The following FAM9A variants were observed in gnomAD, a reference collection of about 807,000 sequenced individuals.
FAM9A encodes the protein protein FAM9A.
A neutral mutation model predicts 25.0 loss-of-function variants in FAM9A; 49 were observed. The observed-to-expected ratio is 1.96, with a 90% CI of 1.56 to 2.48. The LOEUF is 2.48. FAM9A is among the 30% of genes most tolerant of loss of function. The pLI is 0.00. For missense variants in FAM9A, 266 were observed against 249.3 expected (o/e 1.07, Z -0.45); for synonymous variants, 80 against 85.1 (o/e 0.94, Z 0.33).
intron 1 of FAM9A, 100 bp downstream of exon 1, chrX:8,801,211 T>C: frequency 8.9e-6 from 1 of 111,870 alleles, no homozygotes; most frequent in Non-Finnish European, 1.9e-5. Flanking sequence ...CATGCTCGAC[T>C]TCCTGCCTCC....
At chrX:8,799,664 C>A in intron 2 of FAM9A, among the ~76,000 whole-genome samples, 1 of 61,514 alleles carries the variant, frequency 1.6e-5, no homozygotes. Flanking sequence ...CTCCCCTGCC[C>A]CCATCCCTGG....
intron 5 of FAM9A, among the ~76,000 whole-genome samples, chrX:8,796,967 C>A (rs758151446): frequency 8.9e-6 from 1 of 112,078 alleles, no homozygotes; most frequent in Non-Finnish European, 1.9e-5. Context: ...TTTCTTGGAG[C>A]TTTTTATATG....
chrX:8,799,436 T>C (rs1933574431), intron 2 of FAM9A, among the ~76,000 whole-genome samples: 1 of 110,263 alleles, frequency 9.1e-6, no homozygotes, highest in Non-Finnish European at 1.9e-5. Flanking sequence ...TCCCCAGCCA[T>C]CTCTGGGAGA....
chrX:8,797,043 T>C (rs1933542156), intron 5 of FAM9A, among the ~76,000 whole-genome samples: 1 of 112,494 alleles, frequency 8.9e-6, no homozygotes, highest in African/African-American at 3.2e-5. Context: ...TTCCTAAACA[T>C]GGTTTCACAT....
Position 8,791,382 on chromosome X carries a change from A to G in FAM9A, c.931-3T>C, listed in dbSNP as rs1253655317. 8.4e-7 allele frequency: 1 copy of G among 1,195,350 alleles called. No homozygotes were observed. Among genetic ancestry groups the G allele is most frequent in the Non-Finnish European group, 1.1e-6 (1 of 885,505 alleles). The stretch of plus-strand genomic sequence containing the variant: ...TTGTCTTTAGTGTCCTTGGCAGCCT[A>G]AAAGAAAAAGTCTAGTTCACTGACA... On this transcript the variant is annotated splice_polypyrimidine_tract_variant and splice_region_variant and intron_variant, in intron 8 of 9. Coordinates refer to ENST00000381003, the MANE Select transcript of FAM9A (RefSeq NM_174951.3).
chrX:8,795,922 A>G (rs927146322), intron 6 of FAM9A, among the ~76,000 whole-genome samples: 1 of 112,086 alleles, frequency 8.9e-6, no homozygotes, highest in African/African-American at 3.2e-5. Context: ...CCCTTTCCAC[A>G]TAACTTAATA....
Position 8,798,315 on chromosome X carries a change from T to C in FAM9A, c.341+44A>G, listed in dbSNP as rs1048602374. The C allele has an allele frequency of 3.3e-6, 4 of 1,205,695 alleles. No homozygotes were observed. The African/African-American group carries it at 7.0e-5, about 21-fold the overall frequency. ...GACATGAACCAAAGCTGACTTTTCCTAAAAGACCCTATCCGACAGGCAAAA... is the reference window on the plus strand; with the variant it reads ...GACATGAACCAAAGCTGACTTTTCCCAAAAGACCCTATCCGACAGGCAAAA... On this transcript the variant is annotated intron_variant, in intron 4 of 9. Transcript: ENST00000381003.
intron 8 of FAM9A, among the ~76,000 whole-genome samples, chrX:8,792,610 C>A (rs1270399027): frequency 9.0e-6 from 1 of 111,647 alleles, no homozygotes; most frequent in African/African-American, 3.3e-5. Context: ...CATGTTCATA[C>A]CAATTAATAA....
rs149322233 is a variant in FAM9A at position 8,793,680 on chromosome X, G to A, written c.908C>T (p.Pro303Leu). 150 of 1,208,369 alleles carry A rather than the reference G, an allele frequency of 1.2e-4. No homozygotes were observed. In the East Asian group the frequency reaches 2.9e-3, roughly 24 times the overall value. ...GACCTTTAGTAATTGCTCAAGTAGCGGCTTCATCTCTCTCAGCCTCCAGCT... is the reference window on the plus strand; with the variant it reads ...GACCTTTAGTAATTGCTCAAGTAGCAGCTTCATCTCTCTCAGCCTCCAGCT... The part of the protein sequence containing the change: ...VRSWRLREMK[P>L]LLEQLLKAAK... Residue 303 changes from proline to leucine, a missense_variant, in exon 8 of 10, where the codon CCG becomes CTG. Transcript: ENST00000381003.
In FAM9A at chrX:8,791,291, G is replaced by T. The variant is rs61732570; in HGVS notation, c.*20C>A. 9 of 1,184,021 alleles carry T rather than the reference G, an allele frequency of 7.6e-6. No homozygotes were observed. In the South Asian group the frequency reaches 1.3e-4, roughly 17 times the overall value. On this transcript the variant is annotated 3_prime_UTR_variant, in exon 9 of 10. Transcript: ENST00000381003. Reference sequence around the variant, plus strand: ...TATGCACTACTTACAGTTCTGACACGATTCTTTTTAAAAACACGGCTAGTT... The same window carrying T: ...TATGCACTACTTACAGTTCTGACACTATTCTTTTTAAAAACACGGCTAGTT...
chrX:8,801,020 G>A (rs1220358814), intron 1 of FAM9A, among the ~76,000 whole-genome samples: 1 of 93,354 alleles, frequency 1.1e-5, no homozygotes, highest in East Asian at 3.4e-4. Context: ...CACCCTCAGG[G>A]CCTCGCCCTG....
intron 3 of FAM9A, 61 bp downstream of exon 3, chrX:8,798,905 A>G: frequency 2.5e-6 from 3 of 1,206,024 alleles, no homozygotes; most frequent in Non-Finnish European, 3.4e-6. Flanking sequence ...CCGCGCAAAG[A>G]GCAGACAGAC....
chrX:8,793,661 T>G lies in FAM9A; in HGVS notation c.927A>C (p.Leu309=). The G allele has an allele frequency of 8.3e-7, 1 of 1,204,610 alleles. No homozygotes were observed. The highest frequency in any genetic ancestry group is 1.1e-6 in the Non-Finnish European group (1 of 889,159). Residue 309 remains leucine (L), a synonymous_variant, in exon 8 of 10, where the codon CTA becomes CTC. Transcript: ENST00000381003. The part of the protein sequence containing the change: ...REMKPLLEQL[L]KAAKDTKDNY... The stretch of plus-strand genomic sequence containing the variant: ...TATGTTACCAAATAGAACAGACCTT[T>G]AGTAATTGCTCAAGTAGCGGCTTCA...
chrX:8,798,329 C>T (rs763356301), intron 4 of FAM9A, 30 bp downstream of exon 4: 32 of 1,207,374 alleles, frequency 2.7e-5, no homozygotes, highest in Non-Finnish European at 3.4e-5. Context: ...AGACCCTATC[C>T]GACAGGCAAA....
chrX:8,792,601 A>G (rs1178654269), intron 8 of FAM9A, among the ~76,000 whole-genome samples: 3 of 111,945 alleles, frequency 2.7e-5, no homozygotes, highest in African/African-American at 9.7e-5. Context: ...TTCTAGTCTC[A>G]TGTTCATACC....
rs1188012961 is a variant in FAM9A, at chrX:8,795,127, GT to G, written c.781del (p.Thr261GlnfsTer38). The G allele has an allele frequency of 1.8e-6, 2 of 1,137,357 alleles. No homozygotes were observed. Among genetic ancestry groups the G allele is most frequent in the Non-Finnish European group, 2.4e-6 (2 of 844,379 alleles). 93.7% of individuals were successfully genotyped at this position (1,137,357 alleles called of 1,213,427 possible). ...TTCTTCTTCCTCTTCCTCTTCTTCT[GT>G]TTCTTCTCCTTCTCCTCCTCCTCCT... ...EGGGGGEGEE[T>X]EEEEEEEEEE... On this transcript the variant is annotated frameshift_variant, in exon 7 of 10. Transcript: ENST00000381003. LOFTEE classifies it high-confidence loss of function.
rs149142970 is a variant in FAM9A, at chrX:8,797,936, T to C, written c.373+214A>G. Among the ~76,000 whole-genome samples, 135 of 112,178 alleles carry C rather than the reference T, an allele frequency of 1.2e-3. 6 individuals are homozygous for C. In the East Asian group the frequency reaches 0.025, roughly 21 times the overall value. On this transcript the variant is annotated intron_variant, in intron 5 of 9. Transcript: ENST00000381003. ...AAAAGCCATCCCTCTCACTTCACCA[T>C]TGTTAGAAGCATTCTCACATTCCAC...
rs751592118 is a variant in FAM9A at position 8,799,048 on chromosome X, G to C, written c.138C>G (p.Pro46=). The C allele has an allele frequency of 6.6e-6, 8 of 1,212,075 alleles. No homozygotes were observed. The highest frequency in any genetic ancestry group is 1.1e-6 in the Non-Finnish European group (1 of 895,463). ...SNFPGQPTME[P]VGRKRSRKAA... ...CCTTCCTGCTGCGCTTCCTGCCCAC[G>C]GGCTCCATGGTTGGCTGTCCTGGGA... The change falls in exon 3 of 10, where the codon CCC becomes CCG. Residue 46 remains proline, a synonymous_variant. Coordinates refer to ENST00000381003, the MANE Select transcript of FAM9A (RefSeq NM_174951.3).
At chrX:8,799,411 G>C (rs1254023845) in intron 2 of FAM9A, among the ~76,000 whole-genome samples, 3 of 110,245 alleles carry the variant, frequency 2.7e-5, no homozygotes, top group African/African-American at 9.9e-5. Context: ...GGAGGACCAC[G>C]GGTGCCACAG....
Sources: allele counts gnomAD v4.1 joint callset (sites outside exome capture counted in the v4.1 genomes callset), GRCh38; gene constraint gnomAD v4.1.1; transcripts MANE v1.5; gene names NCBI Gene and HGNC (gene_info 2026-07-23, HGNC 2026-07-21).